IGF1R: variants seen among roughly 807,000 people sequenced by gnomAD.
IGF1R encodes insulin-like growth factor 1 receptor.
A neutral mutation model predicts 144.6 loss-of-function variants in IGF1R; 44 were observed. The ratio of observed to expected loss-of-function variants is 0.30; its 90% CI spans 0.24 to 0.39. IGF1R has a LOEUF of 0.39. IGF1R is among the 10% of genes least tolerant of loss of function. The pLI, the probability that IGF1R is intolerant of heterozygous loss-of-function variation, is 1.00. For missense variants in IGF1R, 1,355 were observed against 1,833.7 expected (o/e 0.74, Z 4.77); for synonymous variants, 795 against 722.8 (o/e 1.10, Z -1.60).
intron 2 of IGF1R, among the ~76,000 whole-genome samples, chr15:98,822,861 G>C (rs1365067490): frequency 6.6e-6 from 1 of 152,228 alleles, no homozygotes; most frequent in Non-Finnish European, 1.5e-5. Flanking sequence ...GAGAAAGAGA[G>C]GGTAGTGTTT....
chr15:98,742,560 G>T (rs566753938), intron 2 of IGF1R, among the ~76,000 whole-genome samples: 55 of 152,310 alleles, frequency 3.6e-4, no homozygotes, highest in Non-Finnish European at 6.2e-4. Flanking sequence ...CCCTAGGCTA[G>T]TGTGGCTTGA....
intron 2 of IGF1R, among the ~76,000 whole-genome samples, chr15:98,723,794 T>C (rs796723309): frequency 2.6e-5 from 4 of 152,340 alleles, no homozygotes; most frequent in African/African-American, 9.6e-5. Context: ...ATGGGAAGAC[T>C]TGCTGTATCT....
chr15:98,878,663 CAAAAAAAAAAAAAAAAAAAA>C (rs138285597), intron 2 of IGF1R, among the ~76,000 whole-genome samples: 8 of 57,908 alleles, frequency 1.4e-4, no homozygotes, highest in African/African-American at 5.2e-4. Context: ...GTGAAAGACT[CAAAAAAAAAAAAAAAAAAAA>C]AAAAAAAAAA....
At chr15:98,879,035 G>A (rs984301978) in intron 2 of IGF1R, among the ~76,000 whole-genome samples, 2 of 152,012 alleles carry the variant, frequency 1.3e-5, no homozygotes, top group African/African-American at 2.4e-5. Context: ...TTGTGAGAGC[G>A]ACACTGTGTG....
In IGF1R at chr15:98,956,962, T is replaced by G. The variant is rs998298006; in HGVS notation, c.3723-99T>G. ...AGGGCTGTGTTCAGTGCTCCCGCCG[T>G]ACGCTTGTATGCGGGAAACCACTGC... On this transcript the variant is annotated intron_variant, in intron 20 of 20. Transcript: ENST00000650285. The G allele has an allele frequency of 2.2e-6, 3 of 1,338,908 alleles. No individual in the cohort carries two copies. In the African/African-American group the frequency reaches 4.3e-5, roughly 19 times the overall value. The allele number at this position is 1,338,908 out of a possible 1,614,324, so 82.9% of individuals were successfully genotyped here.
chr15:98,895,263 CACACAG>C (rs1237618057), intron 3 of IGF1R, among the ~76,000 whole-genome samples: 45 of 128,200 alleles, frequency 3.5e-4, no homozygotes, highest in Admixed American at 2.5e-3. Context: ...CACACACACA[CACACAG>C]AGTTAATTTC....
chr15:98,688,691 A>G (rs1306076926), intron 1 of IGF1R, among the ~76,000 whole-genome samples: 1 of 152,016 alleles, frequency 6.6e-6, no homozygotes, highest in African/African-American at 2.4e-5. Context: ...GGTATCACAG[A>G]TGCTTATAGC....
At chr15:98,775,674 G>T (rs2055695108) in intron 2 of IGF1R, among the ~76,000 whole-genome samples, 1 of 152,184 alleles carries the variant, frequency 6.6e-6, no homozygotes, top group Non-Finnish European at 1.5e-5. Flanking sequence ...CTGGTGCTGG[G>T]TCCCTGGTCC....
At chr15:98,690,201 A>G (rs540881736) in intron 1 of IGF1R, among the ~76,000 whole-genome samples, 2 of 152,180 alleles carry the variant, frequency 1.3e-5, no homozygotes, top group African/African-American at 4.8e-5. Flanking sequence ...AAATTAGCCA[A>G]GCATGGTGGT....
At chr15:98,799,806 C>T (rs990956973) in intron 2 of IGF1R, among the ~76,000 whole-genome samples, 1 of 151,554 alleles carries the variant, frequency 6.6e-6, no homozygotes, top group Non-Finnish European at 1.5e-5. Context: ...TCCCCTCCAC[C>T]TGCCCCCCTT....
intron 2 of IGF1R, among the ~76,000 whole-genome samples, chr15:98,866,403 C>T (rs1367545223): frequency 2.0e-5 from 3 of 152,188 alleles, no homozygotes; most frequent in Non-Finnish European, 4.4e-5. Context: ...TGCAGTAAAG[C>T]AAGGAGTATA....
At chr15:98,754,515 C>T (rs1373624059) in intron 2 of IGF1R, among the ~76,000 whole-genome samples, 1 of 152,194 alleles carries the variant, frequency 6.6e-6, no homozygotes, top group Non-Finnish European at 1.5e-5. Context: ...GGACCACCAG[C>T]GTTTTCAGCT....
At chr15:98,684,735 T>G (rs1043038319) in intron 1 of IGF1R, among the ~76,000 whole-genome samples, 4 of 152,090 alleles carry the variant, frequency 2.6e-5, no homozygotes, top group Admixed American at 6.6e-5. Flanking sequence ...ATCGGGAGAC[T>G]GTGTGCTGAG....
intron 2 of IGF1R, among the ~76,000 whole-genome samples, chr15:98,857,842 G>A (rs1200531310): frequency 6.6e-6 from 1 of 152,156 alleles, no homozygotes; most frequent in Non-Finnish European, 1.5e-5. Flanking sequence ...TTTTGATAAG[G>A]ATAACTGAGA....
At chr15:98,681,251 G>A (rs192727282) in intron 1 of IGF1R, among the ~76,000 whole-genome samples, 19 of 152,236 alleles carry the variant, frequency 1.2e-4, no homozygotes, top group East Asian at 9.6e-4. Flanking sequence ...TCTTGAGGGC[G>A]GCTGCACTAC....
At chr15:98,896,980 C>T (rs1258424465) in intron 4 of IGF1R, 75 bp downstream of exon 4, 1 of 1,394,044 alleles carries the variant, frequency 7.2e-7, no homozygotes, top group African/African-American at 1.4e-5. Context: ...ATGCTCCCGT[C>T]CCTGAGTCAC....
chr15:98,757,168 ATTT>A (rs545290651), intron 2 of IGF1R, among the ~76,000 whole-genome samples: 10 of 148,446 alleles, frequency 6.7e-5, no homozygotes, highest in African/African-American at 2.2e-4. Context: ...ACCTTTTATA[ATTT>A]TTTTTTTTGA....
chr15:98,803,599 A>G (rs550122439), intron 2 of IGF1R, among the ~76,000 whole-genome samples: 63 of 151,994 alleles, frequency 4.1e-4, no homozygotes, highest in African/African-American at 1.4e-3. Flanking sequence ...TCGACCGCCA[A>G]GGCTCAAGCG....
intron 2 of IGF1R, among the ~76,000 whole-genome samples, chr15:98,787,409 T>C (rs1001974653): frequency 1.1e-4 from 16 of 152,236 alleles, no homozygotes; most frequent in Admixed American, 2.0e-4. Context: ...ACTTTCAGGC[T>C]GACTAAATCC....
Sources: gnomAD v4.1 joint callset for allele counts (sites outside exome capture counted in the v4.1 genomes callset) on GRCh38, gnomAD v4.1.1 for gene constraint, MANE v1.5 for transcripts, NCBI Gene and HGNC (gene_info 2026-07-23, HGNC 2026-07-21) for gene names.